The following CRYL1 variants were observed in gnomAD, a reference collection of about 807,000 sequenced individuals.
CRYL1 encodes crystallin lambda 1, also known as lambda-crystallin homolog.
A neutral mutation model predicts 36.6 loss-of-function variants in CRYL1; 29 were observed. The observed-to-expected ratio is 0.79, with a 90% CI of 0.59 to 1.08. The LOEUF (loss-of-function observed/expected upper bound fraction) is 1.08, where lower values mean the gene tolerates loss of function less well. Among genes scored for constraint, CRYL1 ranks in the 50% least tolerant of loss-of-function variants. The probability of loss-of-function intolerance (pLI) is 0.00; values close to 1 mark genes in which losing one functional copy is unlikely to be tolerated. For missense variants in CRYL1, 411 were observed against 407.9 expected, an observed-to-expected ratio of 1.01 and a Z score of -0.06; for synonymous variants, 152 against 151.5, an observed-to-expected ratio of 1.00 and a Z score of -0.02.
intron 4 of CRYL1, among the ~76,000 whole-genome samples, chr13:20,434,167 T>C (rs2032145687): frequency 6.6e-6 from 1 of 152,200 alleles, no homozygotes; most frequent in African/African-American, 2.4e-5. Flanking sequence ...GAAATGTTCC[T>C]GGCCCCTGCC....
chr13:20,466,947 T>C (rs2032948716), intron 3 of CRYL1, among the ~76,000 whole-genome samples: 1 of 58,328 alleles, frequency 1.7e-5, no homozygotes, highest in African/African-American at 5.3e-5. Context: ...AGTCACACAA[T>C]ATAACTTTTT....
At chr13:20,499,987 T>A (rs979982906) in intron 2 of CRYL1, among the ~76,000 whole-genome samples, 2 of 152,184 alleles carry the variant, frequency 1.3e-5, no homozygotes, top group African/African-American at 4.8e-5. Context: ...GGGGAGTTCA[T>A]GAAAAGGACT....
intron 1 of CRYL1, among the ~76,000 whole-genome samples, chr13:20,518,976 A>G (rs1249049812): frequency 6.6e-6 from 1 of 152,222 alleles, no homozygotes; most frequent in Non-Finnish European, 1.5e-5. Context: ...AGATCAGTTC[A>G]AAACGGGATG....
intron 3 of CRYL1, among the ~76,000 whole-genome samples, chr13:20,445,837 A>T (rs1332979751): frequency 2.0e-5 from 3 of 152,250 alleles, no homozygotes; most frequent in Non-Finnish European, 4.4e-5. Flanking sequence ...TTATCATAAG[A>T]GAATCAAGGA....
chr13:20,494,121 C>A (rs1476393386), intron 2 of CRYL1, among the ~76,000 whole-genome samples: 1 of 152,150 alleles, frequency 6.6e-6, no homozygotes, highest in African/African-American at 2.4e-5. Context: ...AGTGGCTAAG[C>A]CTTGGAGTCA....
chr13:20,511,540 T>C (rs1328395408), intron 2 of CRYL1, among the ~76,000 whole-genome samples: 3 of 152,208 alleles, frequency 2.0e-5, no homozygotes, highest in African/African-American at 7.2e-5. Context: ...GCCTATAGTT[T>C]AACACTATAC....
rs530386646 is a variant in CRYL1, at chr13:20,502,496, C to CA, written c.149+9946dup. On this transcript the variant is annotated intron_variant, in intron 2 of 7. Transcript: ENST00000298248. Reference sequence around the variant, plus strand: ...TGAAACCCCATCTCTACTAAAAATGCAAAAAAAAATTAGCTGGGCGTGGTG... The same window carrying CA: ...TGAAACCCCATCTCTACTAAAAATGCAAAAAAAAAATTAGCTGGGCGTGGTG... 156 of 151,070 alleles carry CA rather than the reference C, an allele frequency of 1.0e-3. 3 individuals carry two copies. In the South Asian group the frequency reaches 0.021, roughly 20 times the overall value. 9.4% of individuals were successfully genotyped at this position (151,070 alleles called of 1,614,324 possible).
intron 1 of CRYL1, among the ~76,000 whole-genome samples, chr13:20,519,804 C>T (rs1013760464): frequency 2.0e-5 from 3 of 152,012 alleles, no homozygotes; most frequent in Non-Finnish European, 4.4e-5. Context: ...TATTTAGACC[C>T]TAAATCAATC....
chr13:20,501,581 G>A (rs998054235), intron 2 of CRYL1, among the ~76,000 whole-genome samples: 4 of 152,206 alleles, frequency 2.6e-5, no homozygotes, highest in Admixed American at 2.6e-4. Context: ...AGGATCTGAA[G>A]AGCTAAAGAT....
At chr13:20,489,260 T>G (rs934504137) in intron 3 of CRYL1, 110 bp downstream of exon 3, 3 of 1,351,490 alleles carry the variant, frequency 2.2e-6, no homozygotes, top group Non-Finnish European at 3.0e-6. Context: ...CCCTTGAAGA[T>G]GCAAAATGCC....
chr13:20,437,682 AAC>A (rs1415786518), intron 4 of CRYL1, among the ~76,000 whole-genome samples: 1 of 152,176 alleles, frequency 6.6e-6, no homozygotes, highest in Non-Finnish European at 1.5e-5. Context: ...GTCATTATTC[AAC>A]AGTTACCAAC....
intron 4 of CRYL1, 29 bp from the exon 5 acceptor site, chr13:20,432,325 C>G (rs747012002): frequency 6.4e-7 from 1 of 1,566,556 alleles, no homozygotes; most frequent in Non-Finnish European, 8.7e-7. Flanking sequence ...GTGGGGGAGT[C>G]AAGGAGATGA....
intron 6 of CRYL1, among the ~76,000 whole-genome samples, chr13:20,412,567 G>A (rs2031551670): frequency 6.6e-6 from 1 of 152,020 alleles, no homozygotes; most frequent in South Asian, 2.1e-4. Flanking sequence ...ATTTTACTTT[G>A]TTTTAATTTG....
intron 5 of CRYL1, chr13:20,430,724 C>T (rs187952071): frequency 1.3e-5 from 13 of 985,178 alleles, no homozygotes; most frequent in African/African-American, 1.7e-5. Context: ...TTACTCAGGG[C>T]GCTAAAATAT....
intron 5 of CRYL1, among the ~76,000 whole-genome samples, chr13:20,414,824 C>G (rs182983192): frequency 2.0e-5 from 3 of 152,244 alleles, no homozygotes; most frequent in Non-Finnish European, 4.4e-5. Flanking sequence ...AGGTCCCTCC[C>G]GTCAGAGGAT....
intron 2 of CRYL1, among the ~76,000 whole-genome samples, chr13:20,501,663 C>G (rs550289289): frequency 1.2e-4 from 19 of 152,272 alleles, no homozygotes; most frequent in Admixed American, 1.1e-3. Flanking sequence ...TCATCTCCAG[C>G]CAACAGAAAT....
chr13:20,413,375 A>T lies in CRYL1; in HGVS notation c.646T>A (p.Ser216Thr). ...AWRLVEEGIV[S>T]PSDLDLVMSE... ...ATGACAAGGTCCAGGTCACTAGGAG[A>T]CACGATTCCTTCCTACGTGGAGAAA... Residue 216 changes from serine (S) to threonine (T), a missense_variant, in exon 6 of 8, where the codon TCT becomes ACT. Ser to Thr is a moderately conservative substitution (Grantham distance 58, BLOSUM62 1). Transcript: ENST00000298248. 1 of 1,611,220 alleles carries T rather than the reference A, an allele frequency of 6.2e-7. No individual in the cohort carries two copies.
At chr13:20,518,366 G>C (rs1400919973) in intron 1 of CRYL1, among the ~76,000 whole-genome samples, 2 of 152,164 alleles carry the variant, frequency 1.3e-5, no homozygotes, top group African/African-American at 4.8e-5. Context: ...AGCAACGGAG[G>C]TAAGGGGCCA....
At chr13:20,521,669 A>T (rs909962673) in intron 1 of CRYL1, among the ~76,000 whole-genome samples, 1 of 152,226 alleles carries the variant, frequency 6.6e-6, no homozygotes, top group Non-Finnish European at 1.5e-5. Context: ...CAAAAGGTGA[A>T]TGCAGATGAA....
Sources: gnomAD v4.1 joint callset for allele counts (sites outside exome capture counted in the v4.1 genomes callset) on GRCh38, gnomAD v4.1.1 for gene constraint, MANE v1.5 for transcripts, NCBI Gene and HGNC (gene_info 2026-07-23, HGNC 2026-07-21) for gene names.